ELK3: variants seen among roughly 807,000 people sequenced by gnomAD.
The protein encoded by ELK3 is ETS transcription factor ELK3.
In ELK3, 10 loss-of-function variants were observed where a neutral mutation model predicts 28.9. The observed-to-expected ratio is 0.35, with a 90% CI of 0.21 to 0.59. ELK3 has a LOEUF of 0.59. Ranked by LOEUF, ELK3 falls within the 20% of genes least tolerant of loss-of-function variation. The pLI, the probability that ELK3 is intolerant of heterozygous loss-of-function variation, is 0.82. For synonymous variants in ELK3, 272 were observed against 243.5 expected (o/e 1.12, Z -1.09); for missense variants, 463 against 517.3 (o/e 0.90, Z 1.02).
rs1386454605 is a variant in ELK3 at position 96,267,151 on chromosome 12, C to G, written c.1195C>G (p.Leu399Val). The G allele has an allele frequency of 6.2e-7, 1 of 1,612,990 alleles. No homozygotes were observed. The highest frequency in any genetic ancestry group is 1.7e-5 in the Admixed American group (1 of 59,820). Reference protein sequence around the residue: ...PSLDRAASPVLLSSNSQKS With the variant: ...PSLDRAASPVVLSSNSQKS ...TCTGGACAGAGCTGCTTCTCCAGTACTGCTTTCTTCAAACTCTCAGAAATC... is the reference window on the plus strand; with the variant it reads ...TCTGGACAGAGCTGCTTCTCCAGTAGTGCTTTCTTCAAACTCTCAGAAATC... The change falls in exon 5 of 5, where the codon CTG (leucine) becomes GTG (valine). Residue 399 changes from leucine (L) to valine (V), a missense_variant. Leu to Val is a conservative substitution (Grantham distance 32, BLOSUM62 1). Coordinates refer to ENST00000228741, the MANE Select transcript of ELK3 (RefSeq NM_005230.4).
At chr12:96,221,590 C>A (rs771064658) in intron 1 of ELK3, among the ~76,000 whole-genome samples, 1 of 152,226 alleles carries the variant, frequency 6.6e-6, no homozygotes, top group Admixed American at 6.5e-5. Flanking sequence ...GAATTTGCGA[C>A]AACTGTTAGC....
At chr12:96,253,693 CTCCTT>C (rs1951925302) in intron 3 of ELK3, among the ~76,000 whole-genome samples, 1 of 152,206 alleles carries the variant, frequency 6.6e-6, no homozygotes, top group Non-Finnish European at 1.5e-5. Flanking sequence ...TTGTTTCTCT[CTCCTT>C]TACTTTCTTA....
Position 96,247,619 on chromosome 12 carries a change from G to T in ELK3, c.887G>T (p.Gly296Val). 6.2e-7 allele frequency: 1 copy of T among 1,613,616 alleles called. No homozygotes were observed. ...SLPPKAKKPK[G>V]LEISAPPLVL... ...CCCCCAAAGGCCAAAAAACCCAAAGGCTTGGAAATCTCAGCGCCCCCGCTG... is the reference window on the plus strand; with the variant it reads ...CCCCCAAAGGCCAAAAAACCCAAAGTCTTGGAAATCTCAGCGCCCCCGCTG... Residue 296 changes from glycine to valine, a missense_variant, in exon 3 of 5, where the codon GGC becomes GTC. Physicochemically the swap from Gly to Val is moderately radical, Grantham distance 109. This residue lies in a region of ELK3 where 408 missense variants were observed against 414.8 expected (regional missense o/e 0.98). Transcript: ENST00000228741. The surrounding 1 kb of genome is among the most constrained non-coding windows in gnomAD (Gnocchi z 5.5).
intron 4 of ELK3, among the ~76,000 whole-genome samples, chr12:96,263,303 C>T (rs897776501): frequency 6.6e-6 from 1 of 152,120 alleles, no homozygotes; most frequent in African/African-American, 2.4e-5. Context: ...AGACATTGTG[C>T]TAAATGTAAA....
At chr12:96,240,245 C>T (rs914912741) in intron 2 of ELK3, among the ~76,000 whole-genome samples, 1 of 151,864 alleles carries the variant, frequency 6.6e-6, no homozygotes, top group African/African-American at 2.4e-5. Flanking sequence ...AGAATATGCG[C>T]AGCCTTCTGT....
At chr12:96,262,859 G>C (rs1952004227) in intron 4 of ELK3, among the ~76,000 whole-genome samples, 1 of 146,116 alleles carries the variant, frequency 6.8e-6, no homozygotes, top group African/African-American at 2.5e-5. Context: ...TCATTATGTT[G>C]TCCAGGCTGG....
At chr12:96,230,966 GT>G (rs946442974) in intron 2 of ELK3, among the ~76,000 whole-genome samples, 1 of 152,226 alleles carries the variant, frequency 6.6e-6, no homozygotes, top group Non-Finnish European at 1.5e-5. Flanking sequence ...GGAGCGGCAT[GT>G]TTTGCAACCC....
At chr12:96,223,470 A>T in intron 1 of ELK3, 95 bp from the exon 2 acceptor site, 1 of 1,148,242 alleles carries the variant, frequency 8.7e-7, no homozygotes, top group Non-Finnish European at 1.3e-6. Flanking sequence ...GAAGGAGGGG[A>T]CAGCTGAGTT....
intron 1 of ELK3, among the ~76,000 whole-genome samples, chr12:96,195,966 C>T (rs1951463097): frequency 8.3e-6 from 1 of 120,752 alleles, no homozygotes; most frequent in Non-Finnish European, 1.7e-5. Context: ...CTGGGGGTGG[C>T]GGGGAAAGGG....
At chr12:96,252,315 C>A (rs994385320) in intron 3 of ELK3, among the ~76,000 whole-genome samples, 1 of 152,296 alleles carries the variant, frequency 6.6e-6, no homozygotes, top group African/African-American at 2.4e-5. Flanking sequence ...TTCATGCCTG[C>A]AAATACAACA....
intron 1 of ELK3, among the ~76,000 whole-genome samples, chr12:96,220,935 G>A (rs1951657423): frequency 6.6e-6 from 1 of 152,150 alleles, no homozygotes; most frequent in East Asian, 1.9e-4. Context: ...ACTTTGGGTT[G>A]AGTTCAGGTC....
rs769130321 is a variant in ELK3, at chr12:96,269,288, A to G, written c.*2108A>G. Reference sequence around the variant, plus strand: ...AGATAAGAGAACACATCCAAAATGCATGATTCTTACAAACTAAAGGAAGTT... The same window carrying G: ...AGATAAGAGAACACATCCAAAATGCGTGATTCTTACAAACTAAAGGAAGTT... On this transcript the variant is annotated 3_prime_UTR_variant, in exon 5 of 5. Transcript: ENST00000228741. 6.6e-6 allele frequency: 1 copy of G among 152,266 alleles called. No individual in the cohort carries two copies. Among genetic ancestry groups the G allele is most frequent in the Non-Finnish European group, 1.5e-5 (1 of 68,046 alleles). The allele number at this position is 152,266 out of a possible 1,614,324, so 9.4% of individuals were successfully genotyped here. A position where few individuals can be genotyped will look rare whatever the true frequency, so the allele number is the denominator to read the frequency against.
At chr12:96,195,409 G>T (rs1448177052) in intron 1 of ELK3, among the ~76,000 whole-genome samples, 1 of 152,222 alleles carries the variant, frequency 6.6e-6, no homozygotes, top group East Asian at 1.9e-4. Context: ...GACCAGGCAA[G>T]AAATGATCTT....
intron 3 of ELK3, among the ~76,000 whole-genome samples, chr12:96,258,333 C>T (rs1213937892): frequency 6.6e-6 from 1 of 152,194 alleles, no homozygotes; most frequent in Admixed American, 6.5e-5. Context: ...TGCCATGGAA[C>T]CAACGACTCA....
chr12:96,262,182 T>G (rs1278870771), intron 4 of ELK3, among the ~76,000 whole-genome samples: 4 of 152,002 alleles, frequency 2.6e-5, no homozygotes, highest in Admixed American at 2.6e-4. Flanking sequence ...CCACACACAG[T>G]TAATTTTTGT....
intron 3 of ELK3, among the ~76,000 whole-genome samples, chr12:96,249,434 G>A (rs921469276): frequency 2.6e-5 from 4 of 152,310 alleles, no homozygotes; most frequent in Admixed American, 6.5e-5. Flanking sequence ...GAGTGAGCAC[G>A]TGTGCTCTTA....
chr12:96,262,309 G>A (rs966007089), intron 4 of ELK3, among the ~76,000 whole-genome samples: 3 of 152,104 alleles, frequency 2.0e-5, no homozygotes, highest in African/African-American at 7.2e-5. Flanking sequence ...GTAAGCCACC[G>A]TGCCTGGCCC....
chr12:96,199,549 G>T (rs538181976), intron 1 of ELK3, among the ~76,000 whole-genome samples: 1 of 150,592 alleles, frequency 6.6e-6, no homozygotes, highest in South Asian at 2.1e-4. Flanking sequence ...TTCAAAAATG[G>T]TAGATTACTC....
At chr12:96,253,564 TCA>T (rs1363684352) in intron 3 of ELK3, among the ~76,000 whole-genome samples, 1 of 152,246 alleles carries the variant, frequency 6.6e-6, no homozygotes, top group African/African-American at 2.4e-5. Context: ...TTCCAGAGAT[TCA>T]GTCACCTTTT....
Sources: allele counts gnomAD v4.1 joint callset (sites outside exome capture counted in the v4.1 genomes callset), GRCh38; gene constraint gnomAD v4.1.1; regional missense constraint gnomAD v4.1.1; non-coding constraint Gnocchi (gnomAD v3.1); transcripts MANE v1.5; gene names NCBI Gene and HGNC (gene_info 2026-07-23, HGNC 2026-07-21).